WDR11: variants seen among roughly 807,000 people sequenced by gnomAD.
WDR11 encodes WD repeat-containing protein 11.
WDR11 carries 83 observed loss-of-function variants against 151.2 expected under a neutral mutation model. That is an observed-to-expected ratio of 0.55 (90% CI 0.46 to 0.66). The LOEUF (loss-of-function observed/expected upper bound fraction) is 0.66. Ranked by LOEUF, WDR11 falls within the 30% of genes least tolerant of loss-of-function variation. The pLI, the probability that WDR11 is intolerant of heterozygous loss-of-function variation, is 0.00. For synonymous variants in WDR11, 484 were observed against 533.1 expected (o/e 0.91, Z 1.27); for missense variants, 1,301 against 1,480.9 (o/e 0.88, Z 1.99).
At chr10:120,870,662 GAC>G (rs1846503786) in intron 9 of WDR11, among the ~76,000 whole-genome samples, 1 of 152,066 alleles carries the variant, frequency 6.6e-6, no homozygotes, top group Non-Finnish European at 1.5e-5. Flanking sequence ...TAATTACACT[GAC>G]ACATTAAGGT....
At chr10:120,856,669 T>C (rs1471069536) in intron 2 of WDR11, among the ~76,000 whole-genome samples, 1 of 152,126 alleles carries the variant, frequency 6.6e-6, no homozygotes, top group Non-Finnish European at 1.5e-5. Context: ...CATTATATCT[T>C]TTTTCCTCCG....
intron 21 of WDR11, among the ~76,000 whole-genome samples, chr10:120,901,467 C>T (rs1039662501): frequency 1.3e-5 from 2 of 152,142 alleles, no homozygotes; most frequent in Non-Finnish European, 1.5e-5. Context: ...GGGTCTGCTT[C>T]CCGCTTCTAA....
chr10:120,858,981 T>C (rs755107319), intron 3 of WDR11, among the ~76,000 whole-genome samples, 185 bp downstream of exon 3: 1 of 152,236 alleles, frequency 6.6e-6, no homozygotes, highest in Non-Finnish European at 1.5e-5. Context: ...CTTCTAGGCA[T>C]ATTTCTTCAA....
chr10:120,852,702 A>G, intron 2 of WDR11, 67 bp downstream of exon 2: 1 of 1,326,748 alleles, frequency 7.5e-7, no homozygotes, highest in Non-Finnish European at 1.1e-6. Flanking sequence ...TGTATCACTA[A>G]GCTCTCATTA....
chr10:120,862,910 A>G lies in WDR11; in HGVS notation c.702A>G (p.Gln234=), dbSNP rs149263677. The change falls in exon 5 of 29, where the codon CAA becomes CAG. Residue 234 remains glutamine (Q), a synonymous_variant. Transcript: ENST00000263461. ...ATAAAGTAAAAATTTTAATCACTCA[A>G]GAGAAACCTAGGTAAGTTACAAGTG... The part of the protein sequence containing the change: ...ALNKVKILIT[Q]EKPSAEFITL... 1.1e-5 allele frequency: 18 copies of G among 1,607,732 alleles called. No individual in the cohort carries two copies. The highest frequency in any genetic ancestry group is 1.1e-4 in the East Asian group (5 of 44,842).
intron 19 of WDR11, among the ~76,000 whole-genome samples, chr10:120,897,768 TGACTG>T (rs1310907626): frequency 6.6e-6 from 1 of 152,200 alleles, no homozygotes; most frequent in African/African-American, 2.4e-5. Flanking sequence ...GTACCAGCCT[TGACTG>T]GACCCGATTT....
At chr10:120,893,908 G>T (rs978029561) in intron 19 of WDR11, among the ~76,000 whole-genome samples, 4 of 151,956 alleles carry the variant, frequency 2.6e-5, no homozygotes, top group African/African-American at 9.7e-5. Flanking sequence ...GTAGATTCTG[G>T]ATATTAGCCC....
intron 11 of WDR11, among the ~76,000 whole-genome samples, chr10:120,877,108 G>A (rs577672896): frequency 1.3e-5 from 2 of 152,104 alleles, no homozygotes; most frequent in Admixed American, 1.3e-4. Context: ...AATCAGAGAG[G>A]TATTAATTTT....
intron 5 of WDR11, among the ~76,000 whole-genome samples, chr10:120,863,951 C>G (rs1383351507): frequency 6.6e-6 from 1 of 152,042 alleles, no homozygotes; most frequent in Non-Finnish European, 1.5e-5. Context: ...TATGTATTCC[C>G]TCTCATAAAC....
In WDR11 at chr10:120,906,062, G is replaced by A. The variant is rs373646334; in HGVS notation, c.3437+41G>A. On this transcript the variant is annotated intron_variant, in intron 27 of 28. Transcript: ENST00000263461. ...ACATGGGCTGCTCAGGCCTGCCCGT[G>A]AGCAGTCACTTCATGTTCTCTCGCG... 1.9e-5 allele frequency: 30 copies of A among 1,612,370 alleles called. No individual in the cohort carries two copies. The South Asian group carries it at 3.3e-4, about 18-fold the overall frequency.
intron 19 of WDR11, among the ~76,000 whole-genome samples, chr10:120,896,908 G>A (rs1009817045): frequency 2.0e-5 from 3 of 152,132 alleles, no homozygotes; most frequent in East Asian, 1.9e-4. Context: ...GGCAGTGAGC[G>A]CACATAGCAC....
intron 15 of WDR11, 118 bp from the exon 16 acceptor site, chr10:120,886,570 TA>T (rs1564711789): frequency 1.5e-6 from 2 of 1,312,652 alleles, no homozygotes; most frequent in Non-Finnish European, 2.1e-6. Flanking sequence ...TTCAGACTTT[TA>T]AAAAAATAGT....
rs2133824723 is a variant in WDR11 at position 120,909,270 on chromosome 10, G to GTAAT, written c.*559_*562dup. On this transcript the variant is annotated 3_prime_UTR_variant, in exon 29 of 29. Transcript: ENST00000263461. The stretch of plus-strand genomic sequence containing the variant: ...TTGGTTTAAGCAGTTGCTAAGTTTT[G>GTAAT]TAATTTTAGGCTCAGAGGACCATAG... The GTAAT allele has an allele frequency of 6.5e-6, 1 of 154,948 alleles. No individual in the cohort carries two copies. Among genetic ancestry groups the GTAAT allele is most frequent in the African/African-American group, 2.4e-5 (1 of 41,278 alleles). The allele number at this position is 154,948 out of a possible 1,614,324, so 9.6% of individuals were successfully genotyped here. A position where few individuals can be genotyped will look rare whatever the true frequency, so the allele number is the denominator to read the frequency against.
intron 5 of WDR11, among the ~76,000 whole-genome samples, chr10:120,863,935 A>G (rs1846223632): frequency 6.6e-6 from 1 of 152,120 alleles, no homozygotes; most frequent in African/African-American, 2.4e-5. Flanking sequence ...AGAACTTTCT[A>G]TTTTTTATGT....
chr10:120,852,079 C>G (rs1028327412), intron 1 of WDR11: 1 of 226,388 alleles, frequency 4.4e-6, no homozygotes, highest in African/African-American at 2.3e-5. Flanking sequence ...AAATGTAAAG[C>G]AAAATTCTGT....
intron 11 of WDR11, 73 bp from the exon 12 acceptor site, chr10:120,878,280 T>G: frequency 7.9e-7 from 1 of 1,271,112 alleles, no homozygotes; most frequent in South Asian, 1.3e-5. Context: ...TTGGAAAACT[T>G]ATTTTTCAAA....
rs1846324365 is a variant in WDR11, at chr10:120,866,685, G to C, written c.1111G>C (p.Ala371Pro). ...GTGCTGTCCTGTCAATGAGAATGCA[G>C]CCGCCCTCGTAGTGAGTGATGGCAG... ...MVCCPVNENA[A>P]ALVVSDGRVM... Residue 371 changes from alanine (A) to proline (P), a missense_variant, in exon 8 of 29, where the codon GCC (alanine) becomes CCC (proline). This residue lies in a region of WDR11 where 692 missense variants were observed against 762.5 expected (regional missense o/e 0.91). Coordinates refer to ENST00000263461, the MANE Select transcript of WDR11 (RefSeq NM_018117.12). 3 of 1,614,052 alleles carry C rather than the reference G, an allele frequency of 1.9e-6. No individual in the cohort carries two copies. The highest frequency in any genetic ancestry group is 1.1e-5 in the South Asian group (1 of 91,088).
chr10:120,904,676 A>G lies in WDR11; in HGVS notation c.3058A>G (p.Thr1020Ala). ...TDRAVQLLLE[T>A]SADNQHYYCD... ...CAGAGCTGTGCAGTTGCTGTTGGAAACAAGTGCAGATAACCAGCATTATTA... is the reference window on the plus strand; with the variant it reads ...CAGAGCTGTGCAGTTGCTGTTGGAAGCAAGTGCAGATAACCAGCATTATTA... Residue 1020 changes from threonine to alanine, a missense_variant, in exon 25 of 29, where the codon ACA (threonine) becomes GCA (alanine). By Grantham distance (58) the Thr-to-Ala change is moderately conservative. Transcript: ENST00000263461. 1 of 1,614,204 alleles carries G rather than the reference A, an allele frequency of 6.2e-7. No individual in the cohort carries two copies. Among genetic ancestry groups the G allele is most frequent in the Non-Finnish European group, 8.5e-7 (1 of 1,180,022 alleles).
chr10:120,875,646 A>G (rs1846743079), intron 11 of WDR11, among the ~76,000 whole-genome samples: 4 of 152,140 alleles, frequency 2.6e-5, no homozygotes, highest in Non-Finnish European at 5.9e-5. Flanking sequence ...CTAGGACTAC[A>G]GGCACGTGCC....
Sources: gnomAD v4.1 joint callset for allele counts (sites outside exome capture counted in the v4.1 genomes callset) on GRCh38, gnomAD v4.1.1 for gene constraint, gnomAD v4.1.1 regional missense constraint, MANE v1.5 for transcripts, NCBI Gene and HGNC (gene_info 2026-07-23, HGNC 2026-07-21) for gene names.